GSE1: variants seen among roughly 807,000 people sequenced by gnomAD.
GSE1 encodes Gse1 coiled-coil protein, also known as genetic suppressor element 1.
GSE1 carries 32 observed loss-of-function variants against 112.6 expected under a neutral mutation model. The observed-to-expected ratio is 0.28, with a 90% CI of 0.21 to 0.38. The LOEUF is 0.38. Among genes scored for constraint, GSE1 ranks in the 10% least tolerant of loss-of-function variants. The pLI is 1.00. For synonymous variants in GSE1, 1,115 were observed against 735.6 expected (o/e 1.52, Z -8.35); for missense variants, 2,348 against 1,699.2 (o/e 1.38, Z -6.71).
chr16:85,478,714 C>G (rs1444229950), intron 2 of GSE1, among the ~76,000 whole-genome samples: 2 of 151,338 alleles, frequency 1.3e-5, no homozygotes, highest in African/African-American at 2.4e-5. Flanking sequence ...GTCGCCCAGG[C>G]TGGAGTGCAG....
At position 85,514,512 on chromosome 16, in the gene GSE1, G is replaced by C. The variant is rs1221317130; in HGVS notation, c.2465-119402G>C. Among the ~76,000 whole-genome samples the C allele has an allele frequency of 1.3e-5, 2 of 151,750 alleles. 1 individual carries two copies. Among genetic ancestry groups the C allele is most frequent in the Non-Finnish European group, 2.9e-5 (2 of 67,938 alleles). On this transcript the variant is annotated intron_variant, in intron 2 of 2. Coordinates refer to the GSE1 transcript ENST00000637419. ...AGTCAGGCCTGGAGGTGGCGGGCTT[G>C]GCTGTGTAGCCCCCTTGCCTGGGAG...
chr16:85,450,641 G>A (rs1388439832), intron 2 of GSE1, among the ~76,000 whole-genome samples: 1 of 151,492 alleles, frequency 6.6e-6, no homozygotes, highest in African/African-American at 2.4e-5. Flanking sequence ...AGTAGAGATG[G>A]GGTTTCACCA....
At chr16:85,246,675 C>T (rs1357059597) in intron 1 of GSE1, among the ~76,000 whole-genome samples, 1 of 152,088 alleles carries the variant, frequency 6.6e-6, no homozygotes, top group Admixed American at 6.5e-5. Flanking sequence ...CAGGCCCACC[C>T]CACTCCCACC....
At chr16:85,175,221 G>A (rs768040260) in intron 1 of GSE1, among the ~76,000 whole-genome samples, 1 of 152,170 alleles carries the variant, frequency 6.6e-6, no homozygotes, top group Non-Finnish European at 1.5e-5. Flanking sequence ...TGGGCCCCGG[G>A]TCCCCAGAGA....
chr16:85,312,213 G>GGGC (rs1555559913), intron 1 of GSE1, among the ~76,000 whole-genome samples: 1 of 149,648 alleles, frequency 6.7e-6, no homozygotes, highest in African/African-American at 2.6e-5. Flanking sequence ...GCGGGGGGGG[G>GGGC]GGGGACACAC....
intron 1 of GSE1, among the ~76,000 whole-genome samples, chr16:85,278,065 A>G (rs4541065): frequency 0.78 from 119,268 of 152,258 alleles, 48,911 homozygotes; most frequent in Middle Eastern, 0.91. Flanking sequence ...TGAACCTCAC[A>G]GCTGTCCCGC....
chr16:85,615,451 C>T (rs2048315320), intron 1 of GSE1, among the ~76,000 whole-genome samples: 1 of 152,152 alleles, frequency 6.6e-6, no homozygotes, highest in South Asian at 2.1e-4. Context: ...TGGCAGCAGA[C>T]ACCAAAGTCA....
At chr16:85,413,669 C>G (rs8049150) in intron 2 of GSE1, among the ~76,000 whole-genome samples, 26,716 of 152,052 alleles carry the variant, frequency 0.18, 2,701 homozygotes, top group African/African-American at 0.27. Flanking sequence ...GACCCCCAAA[C>G]AGCAATTCAA....
chr16:85,295,067 A>C (rs1199418553), intron 1 of GSE1, among the ~76,000 whole-genome samples: 3 of 151,926 alleles, frequency 2.0e-5, no homozygotes, highest in African/African-American at 7.3e-5. Flanking sequence ...TCCTAAAAGC[A>C]CCACCTCCTA....
intron 2 of GSE1, among the ~76,000 whole-genome samples, chr16:85,436,529 GA>G (rs1253315744): frequency 6.6e-6 from 1 of 152,230 alleles, no homozygotes; most frequent in African/African-American, 2.4e-5. Flanking sequence ...TTTTTCCCAG[GA>G]ACAGGGGGCC....
At chr16:85,272,595 C>G (rs987306212) in intron 1 of GSE1, among the ~76,000 whole-genome samples, 2 of 152,034 alleles carry the variant, frequency 1.3e-5, no homozygotes, top group African/African-American at 2.4e-5. Flanking sequence ...TCAGAGCTGG[C>G]CCTTTCTGGA....
intron 1 of GSE1, among the ~76,000 whole-genome samples, chr16:85,267,139 A>C (rs527845343): frequency 1.3e-5 from 2 of 152,284 alleles, no homozygotes; most frequent in East Asian, 3.9e-4. Context: ...GTCAGGGCTG[A>C]AGGCTATCGG....
At chr16:85,606,273 T>C (rs1473982847) in intron 1 of GSE1, among the ~76,000 whole-genome samples, 1 of 152,126 alleles carries the variant, frequency 6.6e-6, no homozygotes, top group African/African-American at 2.4e-5. Flanking sequence ...CTCTCAAATA[T>C]GAAAAATGGG....
intron 1 of GSE1, among the ~76,000 whole-genome samples, chr16:85,309,303 C>A (rs1365156442): frequency 6.6e-6 from 1 of 152,040 alleles, no homozygotes; most frequent in African/African-American, 2.4e-5. Context: ...TTGAGAACAG[C>A]CTGGACAACG....
intron 2 of GSE1, among the ~76,000 whole-genome samples, chr16:85,545,771 GGTTTGTTTGTTT>G (rs566380480): frequency 6.6e-6 from 1 of 151,280 alleles, no homozygotes; most frequent in Non-Finnish European, 1.5e-5. Flanking sequence ...TTGTTTTTTT[GGTTTGTTTGTTT>G]GTTTGTTTGT....
rs376262866 is a variant in GSE1, at chr16:85,407,985, T to C, written c.2464+50342T>C. The stretch of plus-strand genomic sequence containing the variant: ...TCAGGGTCCCTCTGATAATCCTCAC[T>C]GTTACACTCAGGGCCCCCTGGATAA... On this transcript the variant is annotated intron_variant, in intron 2 of 2. Transcript: ENST00000637419. Among the ~76,000 whole-genome samples the C allele has an allele frequency of 4.9e-4, 21 of 42,940 alleles. 2 individuals carry two copies. Among genetic ancestry groups the C allele is most frequent in the South Asian group, 2.4e-3 (2 of 848 alleles). 28.2% of individuals were successfully genotyped at this position (42,940 alleles called of 152,430 possible). A position where few individuals can be genotyped will look rare whatever the true frequency, so the allele number is the denominator to read the frequency against.
chr16:85,613,165 GCCGGGAGCGAGCCAGTGGC>G (rs2048107225), upstream of GSE1: 2 of 1,376,358 alleles, frequency 1.5e-6, no homozygotes, highest in East Asian at 6.1e-5. Context: ...AGGTCAGGGA[GCCGGGAGCGAGCCAGTGGC>G]CCGGGAGTGG....
At chr16:85,661,844 C>A in intron 9 of GSE1, 79 bp downstream of exon 9, 1 of 1,346,490 alleles carries the variant, frequency 7.4e-7, no homozygotes, top group Non-Finnish European at 9.8e-7. Flanking sequence ...CAGCCACCTG[C>A]CCCTCTCCGT....
At chr16:85,415,615 A>G (rs1326286011) in intron 2 of GSE1, among the ~76,000 whole-genome samples, 1 of 152,138 alleles carries the variant, frequency 6.6e-6, no homozygotes, top group East Asian at 1.9e-4. Context: ...GCCTCTGCTG[A>G]CCCCGTGATC....
Sources: allele counts gnomAD v4.1 joint callset (sites outside exome capture counted in the v4.1 genomes callset), GRCh38; gene constraint gnomAD v4.1.1; transcripts MANE v1.5; gene names NCBI Gene and HGNC (gene_info 2026-07-23, HGNC 2026-07-21).